Variants in FCGR3A observed in about 807,000 individuals in gnomAD.
FCGR3A encodes the protein Fc gamma receptor IIIa, also known as low affinity immunoglobulin gamma Fc region receptor III-A.
FCGR3A carries 13 observed loss-of-function variants against 24.1 expected under a neutral mutation model. The ratio of observed to expected loss-of-function variants is 0.54; its 90% CI spans 0.35 to 0.86. The LOEUF (loss-of-function observed/expected upper bound fraction) is 0.86. Among genes scored for constraint, FCGR3A ranks in the 40% least tolerant of loss-of-function variants. FCGR3A has a pLI of 0.01. For missense variants in FCGR3A, 235 were observed against 298.0 expected (o/e 0.79, Z 1.56); for synonymous variants, 93 against 112.2 (o/e 0.83, Z 1.08).
intron 3 of FCGR3A, 63 bp from the exon 4 acceptor site, chr1:161,545,021 G>A (rs2102523088): frequency 6.3e-7 from 1 of 1,589,034 alleles, no homozygotes; most frequent in Non-Finnish European, 8.6e-7. Context: ...CTTTGTGAAG[G>A]GGCCACGTAC....
chr1:161,549,878 T>G (rs1398917266), upstream of FCGR3A: 1 of 1,607,024 alleles, frequency 6.2e-7, no homozygotes, highest in Non-Finnish European at 8.5e-7. Flanking sequence ...TTCTTGAAAC[T>G]TCATCTGACT....
chr1:161,544,207 G>A (rs947100479), intron 4 of FCGR3A, among the ~76,000 whole-genome samples: 10 of 151,696 alleles, frequency 6.6e-5, no homozygotes, highest in African/African-American at 2.2e-4. Context: ...TTTTTGTTAC[G>A]GAAGAAGAAA....
upstream of FCGR3A, chr1:161,550,494 G>A (rs1572026744): frequency 6.5e-6 from 1 of 154,196 alleles, no homozygotes; most frequent in African/African-American, 2.4e-5. Context: ...CACAGAAAAG[G>A]TGGGGGTGGG....
chr1:161,549,321 T>C (rs4656316), intron 1 of FCGR3A, among the ~76,000 whole-genome samples: 77 of 146,032 alleles, frequency 5.3e-4, no homozygotes, highest in East Asian at 1.7e-3. Flanking sequence ...TGAACCAAGC[T>C]ACAGAAAGAG....
At chr1:161,543,267 G>A in intron 4 of FCGR3A, 68 bp from the exon 5 acceptor site, 1 of 1,551,974 alleles carries the variant, frequency 6.4e-7, no homozygotes, top group Non-Finnish European at 8.8e-7. Context: ...AACAAACAGT[G>A]AGGTCACCAG....
In FCGR3A at chr1:161,548,766, G is replaced by A. The variant is rs573840216; in HGVS notation, c.62-88C>T. ...CCAGGGAGCCTCAAAGCCAGAATGAGCTCATTGCAAACCCATGCTTGGTGG... is the reference window on the plus strand; with the variant it reads ...CCAGGGAGCCTCAAAGCCAGAATGAACTCATTGCAAACCCATGCTTGGTGG... On this transcript the variant is annotated intron_variant, in intron 2 of 4. Transcript: ENST00000443193. The A allele has an allele frequency of 1.3e-5, 21 of 1,597,186 alleles. No homozygotes were observed. In the African/African-American group the frequency reaches 2.7e-4, roughly 20 times the overall value.
In FCGR3A at chr1:161,541,929, C is replaced by T. The variant is rs1251113823; in HGVS notation, c.*1083G>A. 6.6e-6 allele frequency: 1 copy of T among 152,226 alleles called. No individual in the cohort carries two copies. Among genetic ancestry groups the T allele is most frequent in the East Asian group, 1.9e-4 (1 of 5,344 alleles). The allele number at this position is 152,226 out of a possible 1,614,324, so 9.4% of individuals were successfully genotyped here. A position where few individuals can be genotyped will look rare whatever the true frequency, so the allele number is the denominator to read the frequency against. ...GCAACAATTGTCTTCTCCATCCCCACCTCATTGGAACTGACATGATGAAGG... is the reference window on the plus strand; with the variant it reads ...GCAACAATTGTCTTCTCCATCCCCATCTCATTGGAACTGACATGATGAAGG... On this transcript the variant is annotated 3_prime_UTR_variant, in exon 5 of 5. Coordinates refer to ENST00000443193, the MANE Select transcript of FCGR3A (RefSeq NM_000569.8).
rs149391963 is a variant in FCGR3A at position 161,544,877 on chromosome 1, G to A, written c.401C>T (p.Thr134Ile). Residue 134 changes from threonine to isoleucine, a missense_variant, in exon 4 of 5, where the codon ACT (threonine) becomes ATT (isoleucine). By Grantham distance (89) the Thr-to-Ile change is moderately conservative. Transcript: ENST00000443193. ...IHLRCHSWKN[T>I]ALHKVTYLQN... is the part of the protein sequence containing the mutation. ...TAAATATGTGACCTTATGCAGAGCA[G>A]TGTTCTTCCAGCTGTGACACCTCAG... The A allele has an allele frequency of 9.9e-6, 16 of 1,613,702 alleles. No homozygotes were observed. The highest frequency in any genetic ancestry group is 1.3e-5 in the African/African-American group (1 of 74,864).
upstream of FCGR3A, chr1:161,550,231 T>C: frequency 2.3e-6 from 1 of 436,844 alleles, no homozygotes; most frequent in African/African-American, 2.0e-5. Context: ...GCTGAGGCCC[T>C]GCCTGCACAC....
In FCGR3A at chr1:161,543,083, T is replaced by C. The variant is rs115866423; in HGVS notation, c.694A>G (p.Asn232Asp). The change falls in exon 5 of 5, where the codon AAC becomes GAC. Residue 232 changes from asparagine (N) to aspartate (D), a missense_variant. Transcript: ENST00000443193. Reference protein sequence around the residue: ...DTGLYFSVKTNIRSSTRDWKD... With the variant: ...DTGLYFSVKTDIRSSTRDWKD... Reference sequence around the variant, plus strand: ...CAGTCTCTTGTTGAGCTTCGAATGTTTGTCTTCACAGAGAAATATAGTCCT... The same window carrying C: ...CAGTCTCTTGTTGAGCTTCGAATGTCTGTCTTCACAGAGAAATATAGTCCT... 6.2e-7 allele frequency: 1 copy of C among 1,613,092 alleles called. No homozygotes were observed. Among genetic ancestry groups the C allele is most frequent in the Non-Finnish European group, 8.5e-7 (1 of 1,179,412 alleles).
At chr1:161,548,044 C>A (rs1486074847) in intron 3 of FCGR3A, among the ~76,000 whole-genome samples, 3 of 152,262 alleles carry the variant, frequency 2.0e-5, no homozygotes, top group African/African-American at 7.2e-5. Context: ...GCACTCCAGC[C>A]TGGGTGACAG....
chr1:161,543,024 A>G lies in FCGR3A; in HGVS notation c.753T>C (p.Pro251=), dbSNP rs761113992. 9 of 1,611,442 alleles carry G rather than the reference A, an allele frequency of 5.6e-6. No individual in the cohort carries two copies. The East Asian group carries it at 2.0e-4, about 36-fold the overall frequency. Residue 251 remains proline (P), a synonymous_variant, in exon 5 of 5, where the codon CCT becomes CCC. Coordinates refer to ENST00000443193, the MANE Select transcript of FCGR3A (RefSeq NM_000569.8). ...CATGGGATGGGGGTCATTTGTCTTG[A>G]GGGTCCTTTCTCCATTTAAATTTAT... ...KDHKFKWRKD[P]QDK
rs10127857 is a variant in FCGR3A at position 161,548,647 on chromosome 1, C to G, written c.93G>C (p.Glu31Asp). ...EDLPKAVVFLEPQWYRVLEKD... is the reference protein window; with the variant it reads ...EDLPKAVVFLDPQWYRVLEKD... ...TCTCGAGCACCCTGTACCATTGAGG[C>G]TCCAGGAACACCACAGCCTTTGGGA... The change falls in exon 3 of 5, where the codon GAG becomes GAC. Residue 31 changes from glutamate (E) to aspartate (D), a missense_variant. Glu to Asp is a conservative substitution (Grantham distance 45). Coordinates refer to ENST00000443193, the MANE Select transcript of FCGR3A (RefSeq NM_000569.8). 2.4e-5 allele frequency: 38 copies of G among 1,613,776 alleles called. No individual in the cohort carries two copies. The African/African-American group carries it at 4.8e-4, about 20-fold the overall frequency.
chr1:161,550,061 C>T (rs1310400403), upstream of FCGR3A: 3 of 599,904 alleles, frequency 5.0e-6, no homozygotes, highest in Non-Finnish European at 8.8e-6. Flanking sequence ...TCCCAGGATG[C>T]TTGCCCCATC....
Position 161,544,865 on chromosome 1 carries a change from T to G in FCGR3A, c.413A>C (p.Lys138Thr). The G allele has an allele frequency of 6.2e-7, 1 of 1,613,872 alleles. No individual in the cohort carries two copies. The highest frequency in any genetic ancestry group is 8.5e-7 in the Non-Finnish European group (1 of 1,179,870). Residue 138 changes from lysine to threonine, a missense_variant, in exon 4 of 5, where the codon AAG becomes ACG. Transcript: ENST00000443193. ...TTTGCCATTCTGTAAATATGTGACC[T>G]TATGCAGAGCAGTGTTCTTCCAGCT... ...CHSWKNTALH[K>T]VTYLQNGKGR... is the part of the protein sequence containing the mutation.
At chr1:161,549,110 C>G (rs1572024061) in intron 1 of FCGR3A, 79 bp from the exon 2 acceptor site, 3 of 1,219,310 alleles carry the variant, frequency 2.5e-6, no homozygotes, top group Non-Finnish European at 3.6e-6. Context: ...GTTTAAAACT[C>G]CCCTGCCCTC....
chr1:161,546,285 A>C (rs1000122921), intron 3 of FCGR3A, among the ~76,000 whole-genome samples: 3 of 152,110 alleles, frequency 2.0e-5, no homozygotes, highest in Non-Finnish European at 4.4e-5. Context: ...CATTATTAGC[A>C]TAAAGTCATG....
Position 161,549,683 on chromosome 1 carries a change from A to G in FCGR3A, c.40+14T>C, listed in dbSNP as rs756697201. The stretch of plus-strand genomic sequence containing the variant: ...TCTCAAACTTCTCCCTCAACCAGGG[A>G]GACCCTGACTTACCTAGAAGTAGCA... On this transcript the variant is annotated intron_variant, in intron 1 of 4. Coordinates refer to ENST00000443193, the MANE Select transcript of FCGR3A (RefSeq NM_000569.8). 11 of 1,613,390 alleles carry G rather than the reference A, an allele frequency of 6.8e-6. No individual in the cohort carries two copies. In the East Asian group the frequency reaches 2.5e-4, roughly 36 times the overall value.
At chr1:161,543,593 A>C (rs1268690663) in intron 4 of FCGR3A, among the ~76,000 whole-genome samples, 7 of 144,042 alleles carry the variant, frequency 4.9e-5, no homozygotes, top group Non-Finnish European at 1.1e-4. Flanking sequence ...TTCCAAACTT[A>C]AAAAAAAAAT....
Sources: allele counts gnomAD v4.1 joint callset (sites outside exome capture counted in the v4.1 genomes callset), GRCh38; gene constraint gnomAD v4.1.1; transcripts MANE v1.5; gene names NCBI Gene and HGNC (gene_info 2026-07-23, HGNC 2026-07-21).